Variants in CDH22 observed in about 807,000 individuals in gnomAD.
CDH22 encodes cadherin 22, also known as cadherin-22.
CDH22 carries 30 observed loss-of-function variants against 58.4 expected under a neutral mutation model. That is an observed-to-expected ratio of 0.51 (90% confidence interval 0.38 to 0.70). CDH22 has a LOEUF of 0.70. Ranked by LOEUF, CDH22 falls within the 30% of genes least tolerant of loss-of-function variation. The pLI is 0.00. For synonymous variants in CDH22, 513 were observed against 558.2 expected (o/e 0.92, Z 1.14); for missense variants, 1,014 against 1,233.9 (o/e 0.82, Z 2.67).
At position 46,174,736 on chromosome 20, in the gene CDH22, G is replaced by A; in HGVS notation, c.2257C>T (p.Arg753Cys). The A allele has an allele frequency of 1.3e-6, 2 of 1,553,402 alleles. No homozygotes were observed. The highest frequency in any genetic ancestry group is 1.2e-5 in the South Asian group (1 of 84,826). ...DFSVFRDFISRKVALADGDLS... is the reference protein window; with the variant it reads ...DFSVFRDFISCKVALADGDLS... ...TCCCCGTCCGCCAGTGCCACCTTGC[G>A]GCTGATGAAGTCCCTGAACACTGAG... The change falls in exon 12 of 12, where the codon CGC (arginine) becomes TGC (cysteine). Residue 753 changes from arginine to cysteine, a missense_variant. Around this residue, in one of 2 missense-constraint regions of CDH22, gnomAD observed 208 missense variants for 195.2 expected, o/e 1.07. Transcript: ENST00000537909. This position sits in a 1 kb window ranked among gnomAD's most constrained non-coding sequence, Gnocchi z 4.4.
At chr20:46,187,163 T>C (rs1005867111) in intron 8 of CDH22, among the ~76,000 whole-genome samples, 9 of 151,974 alleles carry the variant, frequency 5.9e-5, no homozygotes, top group Non-Finnish European at 1.2e-4. Flanking sequence ...CTTGGCACCA[T>C]TGGCATTATC....
At chr20:46,276,655 A>G (rs1240466312) in intron 1 of CDH22, among the ~76,000 whole-genome samples, 1 of 152,208 alleles carries the variant, frequency 6.6e-6, no homozygotes, top group Non-Finnish European at 1.5e-5. Flanking sequence ...CTCCACAAAC[A>G]TAAGTGGTGT....
chr20:46,174,458 C>T lies in CDH22; in HGVS notation c.*48G>A. ...GAAACGCGTTGTCCTGGGGCCCCGG[C>T]GTGTGCTGGGCGGGTGAGCAGCCGC... On this transcript the variant is annotated 3_prime_UTR_variant, in exon 12 of 12. Coordinates refer to ENST00000537909, the MANE Select transcript of CDH22 (RefSeq NM_021248.3). The surrounding 1 kb of genome is among the most constrained non-coding windows in gnomAD (Gnocchi z 4.4). 7.7e-7 allele frequency: 1 copy of T among 1,294,990 alleles called. No individual in the cohort carries two copies. Among genetic ancestry groups the T allele is most frequent in the East Asian group, 3.0e-5 (1 of 33,478 alleles). 80.2% of individuals were successfully genotyped at this position (1,294,990 alleles called of 1,614,324 possible). A position where few individuals can be genotyped will look rare whatever the true frequency, so the allele number is the denominator to read the frequency against.
chr20:46,268,009 C>T (rs1237691129), intron 1 of CDH22, among the ~76,000 whole-genome samples: 1 of 152,226 alleles, frequency 6.6e-6, no homozygotes, highest in Non-Finnish European at 1.5e-5. Context: ...CTGGGATGCT[C>T]CAAATCGAGC....
rs138081134 is a variant in CDH22, at chr20:46,289,822, A to T, written c.-400+18433T>A. On this transcript the variant is annotated intron_variant, in intron 1 of 11. Transcript: ENST00000537909. ...AGCCAAGGAATCTCTAGAGGCCAGA[A>T]GGGATAGAGATTAAAATTTAGGAGC... Among the ~76,000 whole-genome samples the T allele has an allele frequency of 6.4e-4, 98 of 152,302 alleles. 1 individual carries two copies. In the East Asian group the frequency reaches 0.015, roughly 23 times the overall value.
intron 11 of CDH22, among the ~76,000 whole-genome samples, chr20:46,175,795 C>A (rs1033312067): frequency 6.6e-6 from 1 of 152,188 alleles, no homozygotes; most frequent in Non-Finnish European, 1.5e-5. Context: ...ACAAGACCTG[C>A]AGACCTGAAG....
chr20:46,175,142 T>C (rs2085729654), intron 11 of CDH22, 65 bp from the exon 12 acceptor site: 2 of 1,483,416 alleles, frequency 1.3e-6, no homozygotes, highest in Admixed American at 2.1e-5. Flanking sequence ...AAGGACCCTC[T>C]ACCCCATCTC....
At chr20:46,248,224 C>T (rs2086344493) in intron 2 of CDH22, among the ~76,000 whole-genome samples, 1 of 152,274 alleles carries the variant, frequency 6.6e-6, no homozygotes, top group South Asian at 2.1e-4. Flanking sequence ...TCAGCTCATG[C>T]TGTTGAGGTG....
chr20:46,292,109 G>A (rs931296880), intron 1 of CDH22, among the ~76,000 whole-genome samples: 1 of 152,194 alleles, frequency 6.6e-6, no homozygotes. Flanking sequence ...ACCAGAGAGG[G>A]TCACACCTTA....
chr20:46,275,107 G>A (rs999374891), intron 1 of CDH22, among the ~76,000 whole-genome samples: 1 of 152,302 alleles, frequency 6.6e-6, no homozygotes, highest in East Asian at 1.9e-4. Flanking sequence ...CCTCAATAAA[G>A]CTTTTGGAAA....
chr20:46,301,680 G>A (rs1467156923), intron 1 of CDH22, among the ~76,000 whole-genome samples: 1 of 151,802 alleles, frequency 6.6e-6, no homozygotes, highest in Non-Finnish European at 1.5e-5. Flanking sequence ...GTGTTGTGGT[G>A]GGCACCTGTA....
intron 3 of CDH22, 96 bp downstream of exon 3, chr20:46,240,867 T>G: frequency 8.6e-7 from 1 of 1,156,244 alleles, no homozygotes; most frequent in South Asian, 1.5e-5. Context: ...CTGTCTTTTC[T>G]GTCCCTCCCC....
rs766868600 is a variant in CDH22, at chr20:46,241,177, G to A, written c.336C>T (p.Ile112=). ...SGEGAGTIFL[I]DELTGDIHAM... ...CATGAATGTCGCCTGTCAGCTCGTC[G>A]ATCAGGAAGATGGTCCCAGCACCCT... The change falls in exon 3 of 12, where the codon ATC becomes ATT. Residue 112 remains isoleucine (I), a synonymous_variant. Transcript: ENST00000537909. This position sits in a 1 kb window ranked among gnomAD's most constrained non-coding sequence, Gnocchi z 5.2. 1.4e-5 allele frequency: 22 copies of A among 1,614,006 alleles called. No individual in the cohort carries two copies. The highest frequency in any genetic ancestry group is 3.3e-4 in the Middle Eastern group (2 of 6,082).
intron 7 of CDH22, among the ~76,000 whole-genome samples, chr20:46,199,903 C>T (rs1336503307): frequency 1.3e-5 from 2 of 151,790 alleles, no homozygotes; most frequent in Non-Finnish European, 2.9e-5. Context: ...CTTTTCTTTT[C>T]TTTTCTTCTT....
intron 1 of CDH22, among the ~76,000 whole-genome samples, chr20:46,296,997 C>T (rs542318416): frequency 2.6e-5 from 4 of 152,268 alleles, no homozygotes; most frequent in South Asian, 2.1e-4. Context: ...AGGCAGGCTG[C>T]GGGGAGGGTC....
At chr20:46,180,926 T>TTGTG (rs11471209) in intron 10 of CDH22, among the ~76,000 whole-genome samples, 18,037 of 142,416 alleles carry the variant, frequency 0.13, 1,268 homozygotes, top group Middle Eastern at 0.2. Context: ...AAAGTTTGTT[T>TTGTG]TGTGTGTGTG....
intron 8 of CDH22, among the ~76,000 whole-genome samples, chr20:46,188,773 A>G (rs1477202642): frequency 6.6e-6 from 1 of 152,140 alleles, no homozygotes; most frequent in Non-Finnish European, 1.5e-5. Context: ...CTGAGTGCTC[A>G]CTGGTGCTCC....
At chr20:46,287,804 C>T (rs2086582865) in intron 1 of CDH22, among the ~76,000 whole-genome samples, 1 of 152,062 alleles carries the variant, frequency 6.6e-6, no homozygotes, top group Admixed American at 6.5e-5. Context: ...AGACTGGCCC[C>T]CGCCCCTTCA....
chr20:46,297,565 G>A (rs905612205), intron 1 of CDH22, among the ~76,000 whole-genome samples: 18 of 151,538 alleles, frequency 1.2e-4, no homozygotes, highest in Non-Finnish European at 2.1e-4. Context: ...AGAGACGGGC[G>A]CTCTGTGGGA....
Sources: allele counts gnomAD v4.1 joint callset (sites outside exome capture counted in the v4.1 genomes callset), GRCh38; gene constraint gnomAD v4.1.1; regional missense constraint gnomAD v4.1.1; non-coding constraint Gnocchi (gnomAD v3.1); transcripts MANE v1.5; gene names NCBI Gene and HGNC (gene_info 2026-07-23, HGNC 2026-07-21).